The following OSBPL9 variants were observed in gnomAD, a reference collection of about 807,000 sequenced individuals.
The protein encoded by OSBPL9 is oxysterol-binding protein-related protein 9.
In OSBPL9, 40 loss-of-function variants were observed where a neutral mutation model predicts 106.6. That is an observed-to-expected ratio of 0.38 (90% confidence interval 0.29 to 0.49). The LOEUF (loss-of-function observed/expected upper bound fraction) is 0.49, where lower values mean the gene tolerates loss of function less well. Among genes scored for constraint, OSBPL9 ranks in the 20% least tolerant of loss-of-function variants. OSBPL9 has a pLI of 0.97. For synonymous variants in OSBPL9, 269 were observed against 295.4 expected, an observed-to-expected ratio of 0.91 and a Z score of 0.92; for missense variants, 609 against 887.2, an observed-to-expected ratio of 0.69 and a Z score of 3.98.
chr1:51,686,765 C>CAGGG (rs1015461154), intron 3 of OSBPL9, among the ~76,000 whole-genome samples: 4 of 152,326 alleles, frequency 2.6e-5, no homozygotes, highest in Non-Finnish European at 4.4e-5. Flanking sequence ...ATTTAAGGGT[C>CAGGG]AGGGAGTCAA....
chr1:51,651,160 G>C (rs958423030), intron 1 of OSBPL9, among the ~76,000 whole-genome samples: 2 of 152,168 alleles, frequency 1.3e-5, no homozygotes, highest in Admixed American at 1.3e-4. Flanking sequence ...TGACAACGAG[G>C]CAGAACATTT....
intron 1 of OSBPL9, among the ~76,000 whole-genome samples, chr1:51,597,334 A>C (rs1645304573): frequency 6.6e-6 from 1 of 151,934 alleles, no homozygotes; most frequent in South Asian, 2.1e-4. Context: ...GTCGGTGTAT[A>C]ATCAATCGGG....
intron 3 of OSBPL9, among the ~76,000 whole-genome samples, chr1:51,686,197 G>A (rs768265094): frequency 3.3e-5 from 5 of 152,164 alleles, no homozygotes; most frequent in Admixed American, 6.5e-5. Flanking sequence ...TTCAGTTAAC[G>A]TGCAGGGAGT....
At chr1:51,552,824 C>T in the OSBPL9 span, among the ~76,000 whole-genome samples, 1 of 151,936 alleles carries the variant, frequency 6.6e-6, no homozygotes, top group Non-Finnish European at 1.5e-5. Context: ...GGGGTTTCAC[C>T]ATCTTGGCCA....
chr1:51,764,583 C>CTTTTTTTT (rs531240886), intron 11 of OSBPL9, among the ~76,000 whole-genome samples: 1 of 135,714 alleles, frequency 7.4e-6, no homozygotes. Flanking sequence ...ACTCTGGATT[C>CTTTTTTTT]TTTTTTTTTT....
In OSBPL9 at chr1:51,729,659, A is replaced by T; in HGVS notation, c.318+15580A>T. On this transcript the variant is annotated intron_variant, in intron 4 of 23. Coordinates refer to ENST00000428468, the MANE Select transcript of OSBPL9 (RefSeq NM_024586.6). This position sits in a 1 kb window ranked among gnomAD's most constrained non-coding sequence, Gnocchi z 5.1. ...AGCTGCCAGCTCCCTCGGCCTCTCC[A>T]CCCAAAACTGGCCCAACCGCCAATC... 1 of 362,966 alleles carries T rather than the reference A, an allele frequency of 2.8e-6. No homozygotes were observed. The highest frequency in any genetic ancestry group is 4.5e-6 in the Non-Finnish European group (1 of 224,478). 22.5% of individuals were successfully genotyped at this position (362,966 alleles called of 1,614,324 possible).
At chr1:51,737,417 T>A (rs1030899757) in intron 4 of OSBPL9, among the ~76,000 whole-genome samples, 1 of 152,086 alleles carries the variant, frequency 6.6e-6, no homozygotes, top group Admixed American at 6.6e-5. Flanking sequence ...TTTTAAAAAA[T>A]TAAACAACAT....
chr1:51,779,652 C>A (rs1377461298), intron 15 of OSBPL9, among the ~76,000 whole-genome samples: 2 of 151,558 alleles, frequency 1.3e-5, no homozygotes, highest in African/African-American at 4.9e-5. Context: ...TGGCAAAGGA[C>A]TAATATCCAG....
chr1:51,727,767 G>T (rs1428034314), intron 4 of OSBPL9, among the ~76,000 whole-genome samples: 2 of 152,154 alleles, frequency 1.3e-5, no homozygotes, highest in Non-Finnish European at 2.9e-5. Flanking sequence ...TATTTCTGAG[G>T]CAGGAAGATC....
Position 51,784,546 on chromosome 1 carries a change from A to G in OSBPL9, c.1793A>G (p.Tyr598Cys), listed in dbSNP as rs1357635605. 6.2e-7 allele frequency: 1 copy of G among 1,613,950 alleles called. No individual in the cohort carries two copies. The highest frequency in any genetic ancestry group is 8.5e-7 in the Non-Finnish European group (1 of 1,179,916). ...ATCATCTTCCACACTAAACCCTTCT[A>G]TGGGGGCAAGAAGCACAGAATTACT... ...ANIIFHTKPF[Y>C]GGKKHRITAE... The change falls in exon 20 of 24, where the codon TAT becomes TGT. Residue 598 changes from tyrosine to cysteine, a missense_variant. Physicochemically the swap from Tyr to Cys is radical, Grantham distance 194. Coordinates refer to ENST00000428468, the MANE Select transcript of OSBPL9 (RefSeq NM_024586.6).
chr1:51,628,684 C>CTTTTTTTTTT, intron 1 of OSBPL9, among the ~76,000 whole-genome samples: 1 of 134,466 alleles, frequency 7.4e-6, no homozygotes, highest in Non-Finnish European at 1.6e-5. Flanking sequence ...TTCTTTTTTT[C>CTTTTTTTTTT]TTTTTTTTTT....
intron 14 of OSBPL9, 62 bp from the exon 15 acceptor site, chr1:51,776,771 T>C (rs1386452644): frequency 6.3e-6 from 7 of 1,108,982 alleles, no homozygotes; most frequent in Non-Finnish European, 9.3e-6. Flanking sequence ...TTTTTTTTTT[T>C]TTTAGTCTGT....
intron 4 of OSBPL9, among the ~76,000 whole-genome samples, chr1:51,739,893 T>TCAAACCACTTTTGGTAGGGA (rs1666515614): frequency 1.3e-5 from 2 of 152,048 alleles, no homozygotes; most frequent in Non-Finnish European, 2.9e-5. Flanking sequence ...TTTTTCATCG[T>TCAAACCACTTTTGGTAGGGA]CAAACCACTT....
intron 3 of OSBPL9, among the ~76,000 whole-genome samples, chr1:51,690,217 T>G (rs1009676363): frequency 1.3e-5 from 2 of 152,164 alleles, no homozygotes; most frequent in African/African-American, 4.8e-5. Context: ...ACAGATAAAT[T>G]TGGTGAGGCT....
At chr1:51,604,130 G>A (rs1482332534) in intron 2 of OSBPL9, among the ~76,000 whole-genome samples, 5 of 152,210 alleles carry the variant, frequency 3.3e-5, no homozygotes, top group South Asian at 2.1e-4. Context: ...AGTGAGCTGC[G>A]TGTGTTCCCT....
intron 1 of OSBPL9, among the ~76,000 whole-genome samples, chr1:51,635,989 A>G (rs1016711561): frequency 1.3e-5 from 2 of 152,084 alleles, no homozygotes; most frequent in Non-Finnish European, 2.9e-5. Flanking sequence ...GTTGTACTAT[A>G]GATATATTAA....
At chr1:51,529,823 A>G in the OSBPL9 span, among the ~76,000 whole-genome samples, 1 of 150,904 alleles carries the variant, frequency 6.6e-6, no homozygotes, top group Non-Finnish European at 1.5e-5. Flanking sequence ...GATCCTTGAC[A>G]TAAATGTAAA....
chr1:51,624,042 C>T lies in OSBPL9; in HGVS notation c.111+6821C>T, dbSNP rs1040654822. ...AAGCAATTCTCCTGTCTCAGCCACC[C>T]GAGTAGCTGGGATTAAGGCACCCAC... On this transcript the variant is annotated intron_variant, in intron 1 of 23. Coordinates refer to ENST00000428468, the MANE Select transcript of OSBPL9 (RefSeq NM_024586.6). Among the ~76,000 whole-genome samples, 20 of 151,928 alleles carry T rather than the reference C, an allele frequency of 1.3e-4. No individual in the cohort carries two copies. The South Asian group carries it at 2.9e-3, about 22-fold the overall frequency.
At chr1:51,704,571 T>C (rs1658019159) in intron 3 of OSBPL9, among the ~76,000 whole-genome samples, 1 of 152,246 alleles carries the variant, frequency 6.6e-6, no homozygotes, top group South Asian at 2.1e-4. Context: ...CAAACATTTA[T>C]TTCCTCACAG....
Sources: gnomAD v4.1 joint callset for allele counts (sites outside exome capture counted in the v4.1 genomes callset) on GRCh38, gnomAD v4.1.1 for gene constraint, Gnocchi (gnomAD v3.1) non-coding constraint, MANE v1.5 for transcripts, NCBI Gene and HGNC (gene_info 2026-07-23, HGNC 2026-07-21) for gene names.